Variants in NXPH1 observed in about 807,000 individuals in gnomAD.
NXPH1 encodes neurexophilin 1.
A neutral mutation model predicts 23.7 loss-of-function variants in NXPH1; 5 were observed. The ratio of observed to expected loss-of-function variants is 0.21; its 90% CI spans 0.11 to 0.44. NXPH1 has a LOEUF of 0.44. Among genes scored for constraint, NXPH1 ranks in the 20% least tolerant of loss-of-function variants. The probability of loss-of-function intolerance (pLI) is 0.99; values close to 1 mark genes in which losing one functional copy is unlikely to be tolerated. For synonymous variants in NXPH1, 144 were observed against 122.2 expected, an observed-to-expected ratio of 1.18 and a Z score of -1.18; for missense variants, 324 against 321.6, an observed-to-expected ratio of 1.01 and a Z score of -0.06.
chr7:8,652,531 AG>A (rs1820506099), intron 2 of NXPH1, among the ~76,000 whole-genome samples: 1 of 152,208 alleles, frequency 6.6e-6, no homozygotes, highest in Admixed American at 6.6e-5. Flanking sequence ...CTCAATTACT[AG>A]AAATTCAGGA....
At chr7:8,630,907 C>G (rs1212652071) in intron 2 of NXPH1, among the ~76,000 whole-genome samples, 1 of 152,080 alleles carries the variant, frequency 6.6e-6, no homozygotes, top group East Asian at 1.9e-4. Context: ...GTTATTTTTC[C>G]TGATCCTCTC....
chr7:8,566,733 T>C lies in NXPH1; in HGVS notation c.54+130966T>C, dbSNP rs1818553664. 2.0e-5 allele frequency among the ~76,000 whole-genome samples: 3 copies of C among 151,810 alleles called. No homozygotes were observed. The South Asian group carries it at 6.2e-4, about 32-fold the overall frequency. On this transcript the variant is annotated intron_variant, in intron 2 of 2. Coordinates refer to ENST00000405863, the MANE Select transcript of NXPH1 (RefSeq NM_152745.3). The stretch of plus-strand genomic sequence containing the variant: ...CCTCTGATTTAGAGGTGTTTGGACT[T>C]GGACTGAGCCATGCTACCAGTATCA...
intron 2 of NXPH1, among the ~76,000 whole-genome samples, chr7:8,466,885 C>T (rs1000762459): frequency 7.2e-5 from 11 of 151,954 alleles, no homozygotes; most frequent in Non-Finnish European, 1.3e-4. Flanking sequence ...GGTCTAGAGT[C>T]ATTAGAGCTG....
At chr7:8,592,244 A>C (rs1378119901) in intron 2 of NXPH1, among the ~76,000 whole-genome samples, 1 of 151,984 alleles carries the variant, frequency 6.6e-6, no homozygotes, top group Admixed American at 6.6e-5. Context: ...GATGTGTGAG[A>C]GTCCTGGGGT....
intron 2 of NXPH1, among the ~76,000 whole-genome samples, chr7:8,541,315 A>G (rs993080694): frequency 1.3e-5 from 2 of 151,798 alleles, no homozygotes; most frequent in Non-Finnish European, 2.9e-5. Flanking sequence ...AAAAGAGGAT[A>G]TGAAAGAGGA....
intron 2 of NXPH1, among the ~76,000 whole-genome samples, chr7:8,562,934 G>C (rs924168358): frequency 1.3e-5 from 2 of 151,624 alleles, no homozygotes; most frequent in African/African-American, 4.8e-5. Context: ...AAGCAGAAAA[G>C]ATGCCATCAA....
At chr7:8,501,516 T>C (rs1169564259) in intron 2 of NXPH1, among the ~76,000 whole-genome samples, 1 of 152,070 alleles carries the variant, frequency 6.6e-6, no homozygotes, top group East Asian at 1.9e-4. Flanking sequence ...GTGATTCTGA[T>C]GAACCACTTT....
chr7:8,716,087 G>A (rs1779874266), intron 2 of NXPH1, among the ~76,000 whole-genome samples: 1 of 152,090 alleles, frequency 6.6e-6, no homozygotes, highest in Non-Finnish European at 1.5e-5. Flanking sequence ...CAGCAGATAA[G>A]GTGAAAAAGC....
intron 2 of NXPH1, among the ~76,000 whole-genome samples, chr7:8,669,746 T>A (rs1458198591): frequency 6.6e-6 from 1 of 151,948 alleles, no homozygotes; most frequent in African/African-American, 2.4e-5. Context: ...AAGCAGAGAG[T>A]ATTTCTCCCC....
intron 2 of NXPH1, among the ~76,000 whole-genome samples, chr7:8,531,410 A>C (rs1817947475): frequency 1.3e-5 from 2 of 152,174 alleles, no homozygotes; most frequent in Non-Finnish European, 2.9e-5. Context: ...ATTGTAGAAA[A>C]ATTCTTTAAA....
chr7:8,568,220 T>C (rs893941058), intron 2 of NXPH1, among the ~76,000 whole-genome samples: 2 of 151,910 alleles, frequency 1.3e-5, no homozygotes, highest in Admixed American at 1.3e-4. Context: ...TGGTGGAATT[T>C]TATTTTCTCA....
intron 2 of NXPH1, among the ~76,000 whole-genome samples, chr7:8,638,612 A>C (rs1820256562): frequency 6.6e-6 from 1 of 152,212 alleles, no homozygotes; most frequent in Non-Finnish European, 1.5e-5. Flanking sequence ...GTTAGATAAC[A>C]AACACTTAGA....
intron 2 of NXPH1, among the ~76,000 whole-genome samples, chr7:8,448,626 G>C (rs1292779595): frequency 1.3e-5 from 2 of 152,110 alleles, no homozygotes; most frequent in African/African-American, 4.8e-5. Flanking sequence ...AGACCAGCCT[G>C]GGCAACATGG....
chr7:8,657,309 T>A (rs114097138), intron 2 of NXPH1, among the ~76,000 whole-genome samples: 102 of 152,312 alleles, frequency 6.7e-4, no homozygotes, highest in African/African-American at 2.5e-3. Flanking sequence ...AGAGGAATCA[T>A]TGTAGGTGGG....
At chr7:8,585,050 T>C (rs1397523476) in intron 2 of NXPH1, among the ~76,000 whole-genome samples, 2 of 152,226 alleles carry the variant, frequency 1.3e-5, no homozygotes, top group East Asian at 1.9e-4. Context: ...GAGATGTCAG[T>C]AGTGTTCAAA....
intron 2 of NXPH1, among the ~76,000 whole-genome samples, chr7:8,641,913 T>G (rs1820320442): frequency 6.6e-6 from 1 of 152,218 alleles, no homozygotes; most frequent in Admixed American, 6.5e-5. Flanking sequence ...TGTGTGAAAC[T>G]TCTACAATAA....
intron 2 of NXPH1, among the ~76,000 whole-genome samples, chr7:8,722,166 A>G (rs962922689): frequency 1.3e-5 from 2 of 152,176 alleles, no homozygotes; most frequent in Non-Finnish European, 2.9e-5. Flanking sequence ...ACTTCCATGG[A>G]ATAATTTTTT....
intron 2 of NXPH1, among the ~76,000 whole-genome samples, chr7:8,587,019 T>G (rs974468637): frequency 2.6e-5 from 4 of 152,108 alleles, no homozygotes; most frequent in Non-Finnish European, 5.9e-5. Context: ...AAAAATGGGA[T>G]CATGCTATAC....
Position 8,492,686 on chromosome 7 carries a change from T to C in NXPH1, c.54+56919T>C, listed in dbSNP as rs567100239. Among the ~76,000 whole-genome samples, 4 of 152,114 alleles carry C rather than the reference T, an allele frequency of 2.6e-5. No homozygotes were observed. In the South Asian group the frequency reaches 8.3e-4, roughly 32 times the overall value. On this transcript the variant is annotated intron_variant, in intron 2 of 2. Transcript: ENST00000405863. ...TCATCACTGCTATGACACATTGTGG[T>C]TGTTGTCATGCCTGAGAGTGGAAAG...
Sources: gnomAD v4.1 joint callset for allele counts (sites outside exome capture counted in the v4.1 genomes callset) on GRCh38, gnomAD v4.1.1 for gene constraint, MANE v1.5 for transcripts, NCBI Gene and HGNC (gene_info 2026-07-23, HGNC 2026-07-21) for gene names.